ZFHX3: variants seen among roughly 807,000 people sequenced by gnomAD.
The protein encoded by ZFHX3 is zinc finger homeobox 3, also known as zinc finger homeobox protein 3.
Under a neutral mutation model 279.1 loss-of-function variants are expected in ZFHX3, and 42 were observed. The ratio of observed to expected loss-of-function variants is 0.15; its 90% CI spans 0.12 to 0.19. The LOEUF (loss-of-function observed/expected upper bound fraction) is 0.19. Among genes scored for constraint, ZFHX3 ranks in the 10% least tolerant of loss-of-function variants. ZFHX3 has a pLI of 1.00. For missense variants in ZFHX3, 4,981 were observed against 4,754.0 expected, an observed-to-expected ratio of 1.05 and a Z score of -1.40; for synonymous variants, 2,293 against 1,957.8, an observed-to-expected ratio of 1.17 and a Z score of -4.52.
At chr16:72,956,238 T>A (rs561945704) in intron 2 of ZFHX3, among the ~76,000 whole-genome samples, 58 of 152,262 alleles carry the variant, frequency 3.8e-4, no homozygotes, top group African/African-American at 1.3e-3. Context: ...GGCCCTGCAG[T>A]CATCTAAGCC....
rs74030122 is a variant in ZFHX3 at position 73,578,947 on chromosome 16, G to A, written c.-1547+101233C>T. On this transcript the variant is annotated intron_variant, in intron 2 of 17. Transcript: ENST00000641206. ...GCATTCCAAATTTAAGCTGGAAAACGAGTTCAGGCTGTGATGAGAAGGGAG... is the reference window on the plus strand; with the variant it reads ...GCATTCCAAATTTAAGCTGGAAAACAAGTTCAGGCTGTGATGAGAAGGGAG... Among the ~76,000 whole-genome samples the A allele has an allele frequency of 2.0e-5, 3 of 152,260 alleles. No homozygotes were observed. In the South Asian group the frequency reaches 6.2e-4, roughly 32 times the overall value.
chr16:72,928,696 G>T (rs1597386263), intron 3 of ZFHX3, among the ~76,000 whole-genome samples: 1 of 152,204 alleles, frequency 6.6e-6, no homozygotes, highest in African/African-American at 2.4e-5. Flanking sequence ...CAAATTCTTA[G>T]GCCAGATATA....
intron 2 of ZFHX3, among the ~76,000 whole-genome samples, chr16:73,637,608 G>T (rs1289841432): frequency 6.6e-6 from 1 of 152,100 alleles, no homozygotes; most frequent in Non-Finnish European, 1.5e-5. Flanking sequence ...TTGGGTACAT[G>T]AGTAGCTATT....
At chr16:72,872,099 A>AAAC (rs2038176189) in intron 4 of ZFHX3, among the ~76,000 whole-genome samples, 3 of 83,394 alleles carry the variant, frequency 3.6e-5, no homozygotes, top group African/African-American at 2.0e-4. Flanking sequence ...TCCAAAAACA[A>AAAC]AAAACAAAAA....
intron 9 of ZFHX3, 43 bp from the exon 10 acceptor site, chr16:72,788,891 G>T (rs772931736): frequency 6.6e-7 from 1 of 1,509,014 alleles, no homozygotes; most frequent in Non-Finnish European, 8.8e-7. Context: ...GTCTGGGCAG[G>T]GGTAGGGCTG....
intron 1 of ZFHX3, among the ~76,000 whole-genome samples, chr16:73,855,884 C>A (rs953666727): frequency 6.6e-6 from 1 of 152,164 alleles, no homozygotes; most frequent in Non-Finnish European, 1.5e-5. Context: ...GCACTAAAAA[C>A]TGTCTTACGA....
chr16:73,205,864 T>C (rs2011777726), intron 5 of ZFHX3, among the ~76,000 whole-genome samples: 1 of 152,222 alleles, frequency 6.6e-6, no homozygotes, highest in Non-Finnish European at 1.5e-5. Flanking sequence ...TTGTTCCTTC[T>C]TCTCATAAAT....
intron 1 of ZFHX3, among the ~76,000 whole-genome samples, chr16:73,797,807 C>CT (rs35369374): frequency 0.066 from 5,450 of 82,636 alleles, 460 homozygotes; most frequent in African/African-American, 0.17. Flanking sequence ...CTTCTGAAGA[C>CT]TTTTTTTTTT....
At position 72,889,632 on chromosome 16, in the gene ZFHX3, G is replaced by C. The variant is rs138226498; in HGVS notation, c.3448+99C>G. The C allele has an allele frequency of 2.1e-4, 238 of 1,137,218 alleles. 1 individual carries two copies. In the African/African-American group the frequency reaches 3.2e-3, roughly 15 times the overall value. 70.4% of individuals were successfully genotyped at this position (1,137,218 alleles called of 1,614,324 possible). ...CAGTAAGGAACATGAGGACCAGCTG[G>C]ATCAGTAACGTCTCCCTCAAACAGA... On this transcript the variant is annotated intron_variant, in intron 4 of 9. Coordinates refer to ENST00000268489, the MANE Select transcript of ZFHX3 (RefSeq NM_006885.4).
intron 3 of ZFHX3, among the ~76,000 whole-genome samples, chr16:73,454,425 T>C (rs2018335571): frequency 1.3e-5 from 2 of 152,186 alleles, no homozygotes; most frequent in South Asian, 4.1e-4. Context: ...AATAAATATC[T>C]CAAGAGGAGT....
At chr16:73,352,346 C>A (rs2016257895) in intron 3 of ZFHX3, among the ~76,000 whole-genome samples, 1 of 152,136 alleles carries the variant, frequency 6.6e-6, no homozygotes, top group Non-Finnish European at 1.5e-5. Context: ...AATAGCTTGA[C>A]CTCTCTGTGC....
chr16:72,871,588 C>T (rs112665227), intron 4 of ZFHX3, among the ~76,000 whole-genome samples: 10,423 of 152,040 alleles, frequency 0.069, 939 homozygotes, highest in African/African-American at 0.2. Context: ...GATCCGCCTG[C>T]CTCAGCCTCC....
At chr16:73,431,953 A>C (rs990273357) in intron 3 of ZFHX3, among the ~76,000 whole-genome samples, 2 of 152,082 alleles carry the variant, frequency 1.3e-5, no homozygotes, top group African/African-American at 2.4e-5. Flanking sequence ...GACAAGGGGA[A>C]TGTTTGGGTT....
intron 1 of ZFHX3, among the ~76,000 whole-genome samples, chr16:73,716,959 A>C (rs1407309033): frequency 6.6e-6 from 1 of 152,060 alleles, no homozygotes; most frequent in African/African-American, 2.4e-5. Context: ...GGAAGCGATG[A>C]AAATAAAATT....
chr16:73,392,836 T>A (rs918042480), intron 3 of ZFHX3, among the ~76,000 whole-genome samples: 1 of 51,072 alleles, frequency 2.0e-5, no homozygotes, highest in African/African-American at 8.1e-5. Flanking sequence ...TATCTTTGTT[T>A]TTTGTTTTTT....
At chr16:73,746,182 G>T (rs964289682) in intron 1 of ZFHX3, among the ~76,000 whole-genome samples, 3 of 152,044 alleles carry the variant, frequency 2.0e-5, no homozygotes, top group African/African-American at 4.8e-5. Context: ...CAATCCTGCC[G>T]CTGTTGCTCC....
chr16:73,163,086 A>T (rs560349250), intron 5 of ZFHX3, among the ~76,000 whole-genome samples: 6 of 152,176 alleles, frequency 3.9e-5, no homozygotes, highest in African/African-American at 1.4e-4. Flanking sequence ...TGACACATAG[A>T]TGGCCATCTT....
At chr16:73,814,376 A>T (rs1044183687) in intron 1 of ZFHX3, among the ~76,000 whole-genome samples, 2 of 152,194 alleles carry the variant, frequency 1.3e-5, no homozygotes, top group African/African-American at 4.8e-5. Context: ...CTTATAGCCA[A>T]TCACAGCTTT....
chr16:72,935,733 TAAA>T (rs35586166), intron 3 of ZFHX3, among the ~76,000 whole-genome samples: 2 of 141,140 alleles, frequency 1.4e-5, no homozygotes, highest in Non-Finnish European at 1.5e-5. Context: ...CACTCTGTCT[TAAA>T]AAAAAAAAAA....
Sources: allele counts gnomAD v4.1 joint callset (sites outside exome capture counted in the v4.1 genomes callset), GRCh38; gene constraint gnomAD v4.1.1; transcripts MANE v1.5; gene names NCBI Gene and HGNC (gene_info 2026-07-23, HGNC 2026-07-21).